AGBL4: variants seen among roughly 807,000 people sequenced by gnomAD.
The protein encoded by AGBL4 is cytosolic carboxypeptidase 6.
AGBL4 carries 58 observed loss-of-function variants against 66.4 expected under a neutral mutation model. The observed-to-expected ratio is 0.87, with a 90% CI of 0.71 to 1.09. The LOEUF is 1.09. Ranked by LOEUF, AGBL4 falls within the 50% of genes least tolerant of loss-of-function variation. The pLI, the probability that AGBL4 is intolerant of heterozygous loss-of-function variation, is 0.00. For synonymous variants in AGBL4, 234 were observed against 222.9 expected, an observed-to-expected ratio of 1.05 and a Z score of -0.44; for missense variants, 579 against 631.0, an observed-to-expected ratio of 0.92 and a Z score of 0.88.
intron 1 of AGBL4, among the ~76,000 whole-genome samples, chr1:49,948,128 A>AAATATATG (rs1655569792): frequency 2.9e-5 from 3 of 103,612 alleles, no homozygotes; most frequent in Non-Finnish European, 5.1e-5. Context: ...GTAAATATAT[A>AAATATATG]TAAATATATG....
intron 2 of AGBL4, among the ~76,000 whole-genome samples, chr1:49,831,145 A>G (rs141355603): frequency 1.3e-5 from 2 of 152,202 alleles, no homozygotes; most frequent in African/African-American, 4.8e-5. Context: ...TTCTGTGAAG[A>G]AAGTCAATGG....
intron 6 of AGBL4, chr1:48,818,329 A>C (rs1263405759): frequency 1.4e-6 from 1 of 710,688 alleles, no homozygotes. Flanking sequence ...GAAAAGGGGC[A>C]TATTGCCTTA....
intron 6 of AGBL4, among the ~76,000 whole-genome samples, chr1:48,753,618 C>A (rs931376820): frequency 1.1e-4 from 17 of 152,160 alleles, no homozygotes; most frequent in African/African-American, 4.1e-4. Flanking sequence ...ATATGCAGGC[C>A]ACAATGGCTT....
At chr1:48,613,260 A>T (rs922472929) in intron 9 of AGBL4, among the ~76,000 whole-genome samples, 1 of 152,222 alleles carries the variant, frequency 6.6e-6, no homozygotes, top group African/African-American at 2.4e-5. Context: ...TCACACAGCT[A>T]GTCTGTGGTG....
intron 3 of AGBL4, among the ~76,000 whole-genome samples, chr1:49,285,743 C>G (rs1377879643): frequency 6.6e-6 from 1 of 152,140 alleles, no homozygotes; most frequent in Non-Finnish European, 1.5e-5. Flanking sequence ...CTACAAACAC[C>G]TCTACGCAAA....
intron 11 of AGBL4, 151 bp downstream of exon 11, chr1:48,586,853 C>T: frequency 9.9e-7 from 1 of 1,009,612 alleles, no homozygotes; most frequent in Non-Finnish European, 1.5e-6. Flanking sequence ...ACTGGACAAT[C>T]CAAAGACGCC....
intron 1 of AGBL4, among the ~76,000 whole-genome samples, chr1:49,876,855 C>G (rs1353224810): frequency 1.3e-5 from 2 of 149,798 alleles, no homozygotes; most frequent in African/African-American, 4.9e-5. Context: ...TTGTAGTTCT[C>G]CTTGAAGAGG....
intron 6 of AGBL4, among the ~76,000 whole-genome samples, chr1:48,777,124 C>T (rs1020773139): frequency 2.0e-4 from 30 of 152,146 alleles, no homozygotes; most frequent in African/African-American, 7.0e-4. Context: ...GCAATCACAG[C>T]CGGAGCGCGA....
chr1:48,889,478 T>C (rs1482851354), intron 5 of AGBL4, among the ~76,000 whole-genome samples: 1 of 152,118 alleles, frequency 6.6e-6, no homozygotes, highest in Non-Finnish European at 1.5e-5. Flanking sequence ...TATTAGAAAA[T>C]ATTAGAAACT....
chr1:49,537,747 AC>A (rs1651713083), intron 3 of AGBL4, among the ~76,000 whole-genome samples: 1 of 152,020 alleles, frequency 6.6e-6, no homozygotes, highest in Non-Finnish European at 1.5e-5. Context: ...AAAGGGTGAA[AC>A]CCCGTCTCTT....
intron 2 of AGBL4, among the ~76,000 whole-genome samples, chr1:49,752,905 G>A (rs535711934): frequency 2.0e-5 from 3 of 152,140 alleles, no homozygotes; most frequent in Non-Finnish European, 4.4e-5. Context: ...TGCTTTTCTG[G>A]CTTTCCATTT....
At chr1:48,873,698 C>T (rs369230781) in intron 5 of AGBL4, among the ~76,000 whole-genome samples, 2 of 152,082 alleles carry the variant, frequency 1.3e-5, no homozygotes, top group African/African-American at 4.8e-5. Flanking sequence ...TAGTTTTACC[C>T]CTTGTCTTCC....
At chr1:49,320,760 G>T (rs183193931) in intron 3 of AGBL4, among the ~76,000 whole-genome samples, 2 of 152,246 alleles carry the variant, frequency 1.3e-5, no homozygotes, top group Admixed American at 1.3e-4. Flanking sequence ...TTTTCACACT[G>T]CTATAAAGAT....
At chr1:49,044,728 A>G (rs756790851) in intron 5 of AGBL4, among the ~76,000 whole-genome samples, 1 of 152,194 alleles carries the variant, frequency 6.6e-6, no homozygotes, top group Non-Finnish European at 1.5e-5. Flanking sequence ...AGCTCATATC[A>G]AAGTGATACA....
chr1:49,298,124 A>T (rs886998023), intron 3 of AGBL4, among the ~76,000 whole-genome samples: 2 of 152,170 alleles, frequency 1.3e-5, no homozygotes, highest in African/African-American at 2.4e-5. Context: ...GGTCCTGTCC[A>T]TCTCTACTAC....
chr1:48,967,263 C>T (rs5006893), intron 5 of AGBL4, among the ~76,000 whole-genome samples: 75,907 of 151,472 alleles, frequency 0.5, 19,242 homozygotes, highest in Admixed American at 0.57. Context: ...GGGAAGTCAC[C>T]AAGACCTGTG....
intron 3 of AGBL4, among the ~76,000 whole-genome samples, chr1:49,254,605 A>G (rs1408813050): frequency 6.6e-6 from 1 of 152,186 alleles, no homozygotes; most frequent in Non-Finnish European, 1.5e-5. Context: ...CAATTTATGG[A>G]TTCAATGCTA....
chr1:49,682,202 T>G (rs192106742), intron 3 of AGBL4, among the ~76,000 whole-genome samples: 5 of 152,186 alleles, frequency 3.3e-5, no homozygotes, highest in African/African-American at 1.2e-4. Flanking sequence ...GGTCAAGAGA[T>G]CGAGACCATC....
At chr1:49,483,209 G>C (rs1557982658) in intron 3 of AGBL4, among the ~76,000 whole-genome samples, 2 of 152,020 alleles carry the variant, frequency 1.3e-5, no homozygotes, top group African/African-American at 4.8e-5. Context: ...TTGTCAGTGA[G>C]ATGTTAAAGT....
Sources: allele counts gnomAD v4.1 joint callset (sites outside exome capture counted in the v4.1 genomes callset), GRCh38; gene constraint gnomAD v4.1.1; transcripts MANE v1.5; gene names NCBI Gene and HGNC (gene_info 2026-07-23, HGNC 2026-07-21).